RAD51B: variants seen among roughly 807,000 people sequenced by gnomAD.
RAD51B encodes RAD51 paralog B, also known as DNA repair protein RAD51 homolog 2.
RAD51B carries 38 observed loss-of-function variants against 42.2 expected under a neutral mutation model. That is an observed-to-expected ratio of 0.90 (90% CI 0.70 to 1.18). The LOEUF (loss-of-function observed/expected upper bound fraction) is 1.18. RAD51B is among the 50% of genes most tolerant of loss of function. The pLI is 0.00. For missense variants in RAD51B, 373 were observed against 400.7 expected (o/e 0.93, Z 0.59); for synonymous variants, 154 against 145.2 (o/e 1.06, Z -0.43).
intron 8 of RAD51B, among the ~76,000 whole-genome samples, chr14:68,377,824 A>C (rs2083401650): frequency 6.6e-6 from 1 of 152,238 alleles, no homozygotes; most frequent in Admixed American, 6.5e-5. Flanking sequence ...TCATCTGTAA[A>C]GGGAAGGAGC....
chr14:67,853,053 G>C (rs1462246506), intron 4 of RAD51B, among the ~76,000 whole-genome samples: 1 of 152,172 alleles, frequency 6.6e-6, no homozygotes, highest in Non-Finnish European at 1.5e-5. Context: ...AACCCAAGAA[G>C]GACTCAGGAT....
intron 7 of RAD51B, among the ~76,000 whole-genome samples, chr14:68,218,703 A>C (rs1216308481): frequency 6.6e-6 from 1 of 152,234 alleles, no homozygotes; most frequent in East Asian, 1.9e-4. Context: ...CTTATATCAG[A>C]AAACTTATAC....
At chr14:68,000,419 A>G (rs529305819) in intron 7 of RAD51B, 1 of 152,184 alleles carries the variant, frequency 6.6e-6, no homozygotes, top group East Asian at 1.9e-4. Flanking sequence ...AGACTCTGGT[A>G]TGTTCGCATT....
intron 10 of RAD51B, chr14:68,563,491 GAAGAA>G (rs1424260059): frequency 1.0e-6 from 1 of 985,346 alleles, no homozygotes; most frequent in Non-Finnish European, 1.2e-6. Flanking sequence ...GGCTGGGGCT[GAAGAA>G]AAGAAAACAT....
chr14:68,320,450 T>C (rs982196104), intron 8 of RAD51B, among the ~76,000 whole-genome samples: 3 of 152,234 alleles, frequency 2.0e-5, no homozygotes, highest in Non-Finnish European at 2.9e-5. Context: ...AGACTGTAAA[T>C]AGCTAACAGC....
At chr14:68,121,490 T>G (rs2077651266) in intron 7 of RAD51B, among the ~76,000 whole-genome samples, 1 of 152,166 alleles carries the variant, frequency 6.6e-6, no homozygotes, top group Non-Finnish European at 1.5e-5. Context: ...AATCCTTAGC[T>G]TGGTAAGTGC....
At chr14:68,395,771 C>T (rs1475934207) in intron 8 of RAD51B, among the ~76,000 whole-genome samples, 1 of 152,182 alleles carries the variant, frequency 6.6e-6, no homozygotes, top group Non-Finnish European at 1.5e-5. Context: ...AAGGGCTGGA[C>T]ATCAAGGGGT....
At chr14:68,434,103 A>T (rs2140142214) in intron 9 of RAD51B, among the ~76,000 whole-genome samples, 1 of 152,306 alleles carries the variant, frequency 6.6e-6, no homozygotes, top group Admixed American at 6.5e-5. Flanking sequence ...TTCCTCTGGA[A>T]GCTTCGTCTC....
intron 7 of RAD51B, among the ~76,000 whole-genome samples, chr14:67,922,185 C>T (rs1197773841): frequency 6.6e-6 from 1 of 152,160 alleles, no homozygotes; most frequent in African/African-American, 2.4e-5. Context: ...CTAAGCTCTC[C>T]CTTGCCTTCT....
At chr14:68,195,518 A>G (rs1206717946) in intron 7 of RAD51B, among the ~76,000 whole-genome samples, 1 of 152,220 alleles carries the variant, frequency 6.6e-6, no homozygotes, top group Admixed American at 6.5e-5. Flanking sequence ...CAGTACACAT[A>G]CTTGTGTTGC....
intron 7 of RAD51B, among the ~76,000 whole-genome samples, chr14:68,195,953 T>C (rs1595537042): frequency 6.8e-6 from 1 of 146,718 alleles, no homozygotes; most frequent in Non-Finnish European, 1.5e-5. Context: ...GTGCAATGGC[T>C]CATGCCTGTA....
chr14:68,494,881 G>T (rs977109031), intron 10 of RAD51B, among the ~76,000 whole-genome samples: 1 of 152,042 alleles, frequency 6.6e-6, no homozygotes, highest in Non-Finnish European at 1.5e-5. Flanking sequence ...AGAAAAAAAT[G>T]GATCCATCAG....
rs749595248 is a variant in RAD51B at position 68,477,642 on chromosome 14, C to A, written c.1037-6C>A. The A allele has an allele frequency of 6.5e-7, 1 of 1,546,618 alleles. No homozygotes were observed. Among genetic ancestry groups the A allele is most frequent in the Non-Finnish European group, 8.7e-7 (1 of 1,150,362 alleles). ...AAACTTTCTCTTTTTTTTTTTTTTC[C>A]TTTAGGCCAAGAGAAGCCATAGGGA... On this transcript the variant is annotated splice_region_variant and splice_polypyrimidine_tract_variant and intron_variant, in intron 10 of 10. Coordinates refer to ENST00000471583, the MANE Select transcript of RAD51B (RefSeq NM_133510.4).
chr14:68,362,021 A>G (rs955298356), intron 8 of RAD51B, among the ~76,000 whole-genome samples: 4 of 152,226 alleles, frequency 2.6e-5, no homozygotes, highest in Non-Finnish European at 5.9e-5. Flanking sequence ...GCTAAACTTA[A>G]GAAGTCACTG....
At chr14:68,604,314 C>T (rs1891352826) in intron 10 of RAD51B, among the ~76,000 whole-genome samples, 1 of 152,100 alleles carries the variant, frequency 6.6e-6, no homozygotes, top group African/African-American at 2.4e-5. Context: ...AAGGGTCCTA[C>T]ACAAATTGCT....
At chr14:68,357,364 TA>T (rs1350000547) in intron 8 of RAD51B, among the ~76,000 whole-genome samples, 1 of 152,190 alleles carries the variant, frequency 6.6e-6, no homozygotes, top group Admixed American at 6.5e-5. Flanking sequence ...ACATCTGCAG[TA>T]ACTTCTTCCA....
At chr14:68,093,899 C>A (rs1053059671) in intron 7 of RAD51B, among the ~76,000 whole-genome samples, 2 of 152,172 alleles carry the variant, frequency 1.3e-5, no homozygotes, top group Admixed American at 6.5e-5. Flanking sequence ...AGCATACACA[C>A]CCTGATGGTC....
At chr14:68,288,349 T>C (rs558891320) in intron 7 of RAD51B, among the ~76,000 whole-genome samples, 8 of 152,342 alleles carry the variant, frequency 5.3e-5, no homozygotes, top group African/African-American at 1.9e-4. Context: ...GCCCTGAGTT[T>C]GGTTGCTATG....
intron 7 of RAD51B, among the ~76,000 whole-genome samples, chr14:67,902,736 A>T (rs1462690551): frequency 6.6e-6 from 1 of 152,204 alleles, no homozygotes; most frequent in African/African-American, 2.4e-5. Flanking sequence ...CTTTATGTTT[A>T]CAGAGGACCC....
Sources: allele counts gnomAD v4.1 joint callset (sites outside exome capture counted in the v4.1 genomes callset), GRCh38; gene constraint gnomAD v4.1.1; transcripts MANE v1.5; gene names NCBI Gene and HGNC (gene_info 2026-07-23, HGNC 2026-07-21).